Variants in WDFY4 observed in about 807,000 individuals in gnomAD.
The protein encoded by WDFY4 is WD repeat- and FYVE domain-containing protein 4.
A neutral mutation model predicts 351.9 loss-of-function variants in WDFY4; 169 were observed. That is an observed-to-expected ratio of 0.48 (90% confidence interval 0.42 to 0.55). The LOEUF (loss-of-function observed/expected upper bound fraction) is 0.55. Among genes scored for constraint, WDFY4 ranks in the 20% least tolerant of loss-of-function variants. WDFY4 has a pLI of 0.00. For missense variants in WDFY4, 3,803 were observed against 3,935.6 expected (o/e 0.97, Z 0.90); for synonymous variants, 1,622 against 1,574.6 (o/e 1.03, Z -0.71).
At chr10:48,846,492 T>C (rs2068780856) in intron 39 of WDFY4, among the ~76,000 whole-genome samples, 1 of 152,216 alleles carries the variant, frequency 6.6e-6, no homozygotes, top group South Asian at 2.1e-4. Flanking sequence ...CCTTCGGGTT[T>C]GCACAGGGCC....
intron 9 of WDFY4, among the ~76,000 whole-genome samples, chr10:48,731,979 C>T (rs1459626391): frequency 6.6e-6 from 1 of 152,166 alleles, no homozygotes; most frequent in Non-Finnish European, 1.5e-5. Flanking sequence ...TCAGTGGTCT[C>T]CCACTGGGAG....
intron 49 of WDFY4, 147 bp downstream of exon 49, chr10:48,943,596 C>CT: frequency 1.2e-6 from 1 of 846,184 alleles, no homozygotes; most frequent in Non-Finnish European, 1.7e-6. Context: ...AAGCTCAGAT[C>CT]TCTTTTTTTT....
chr10:48,898,914 C>A (rs1001576484), intron 45 of WDFY4, among the ~76,000 whole-genome samples: 6 of 151,042 alleles, frequency 4.0e-5, no homozygotes, highest in African/African-American at 1.2e-4. Context: ...GTTTCCTTGC[C>A]CTTCAGTGAG....
intron 60 of WDFY4, chr10:48,979,802 A>G (rs1434280383): frequency 6.6e-6 from 1 of 152,210 alleles, no homozygotes; most frequent in Non-Finnish European, 1.5e-5. Context: ...GAAGCAGAGT[A>G]AAAAGCAGGA....
intron 43 of WDFY4, among the ~76,000 whole-genome samples, chr10:48,883,266 C>A (rs2070325693): frequency 6.6e-6 from 1 of 152,214 alleles, no homozygotes; most frequent in Non-Finnish European, 1.5e-5. Flanking sequence ...TCCACTGTGG[C>A]CTTATCCCTG....
intron 43 of WDFY4, among the ~76,000 whole-genome samples, chr10:48,888,415 T>G (rs2070556899): frequency 1.3e-5 from 2 of 151,960 alleles, no homozygotes; most frequent in East Asian, 3.9e-4. Context: ...CTTGTTTAGA[T>G]ACACCCACTT....
chr10:48,798,703 C>T (rs1374220516), intron 24 of WDFY4, among the ~76,000 whole-genome samples: 1 of 152,178 alleles, frequency 6.6e-6, no homozygotes, highest in African/African-American at 2.4e-5. Context: ...AGGGAAATTC[C>T]ACCAGTCAGG....
At position 48,895,757 on chromosome 10, in the gene WDFY4, C is replaced by T. The variant is rs192162737; in HGVS notation, c.7317-1697C>T. Among the ~76,000 whole-genome samples, 517 of 152,324 alleles carry T rather than the reference C, an allele frequency of 3.4e-3. 4 individuals are homozygous for T. The highest frequency in any genetic ancestry group is 0.012 in the African/African-American group (489 of 41,566). Reference sequence around the variant, plus strand: ...AATTTATTATCCTCCCTTTCCCCTCCTCTCTTCTGCTTCTCTGGGAGGAGG... The same window carrying T: ...AATTTATTATCCTCCCTTTCCCCTCTTCTCTTCTGCTTCTCTGGGAGGAGG... On this transcript the variant is annotated intron_variant, in intron 44 of 61. Transcript: ENST00000325239.
chr10:48,708,357 A>G (rs1268704014), intron 1 of WDFY4, among the ~76,000 whole-genome samples: 1 of 152,184 alleles, frequency 6.6e-6, no homozygotes, highest in Non-Finnish European at 1.5e-5. Flanking sequence ...TGGGCTAAAA[A>G]TAAAGCATGA....
chr10:48,731,695 A>G (rs1007386875), intron 9 of WDFY4, 133 bp downstream of exon 9: 5 of 1,121,808 alleles, frequency 4.5e-6, no homozygotes, highest in African/African-American at 1.6e-5. Context: ...TATGCTTGGG[A>G]CACACAGTTT....
chr10:48,745,550 T>G, intron 12 of WDFY4: 1 of 448,218 alleles, frequency 2.2e-6, no homozygotes, highest in Non-Finnish European at 4.2e-6. Flanking sequence ...GGCTCATGGG[T>G]CTTGAGGGCC....
At chr10:48,794,821 G>C (rs1042812265) in intron 23 of WDFY4, among the ~76,000 whole-genome samples, 1 of 152,142 alleles carries the variant, frequency 6.6e-6, no homozygotes, top group African/African-American at 2.4e-5. Context: ...GTCCCTGGTG[G>C]CCTTTCTGAG....
intron 38 of WDFY4, 79 bp from the exon 39 acceptor site, chr10:48,832,494 C>G: frequency 1.4e-6 from 2 of 1,428,072 alleles, no homozygotes; most frequent in Non-Finnish European, 1.9e-6. Context: ...CCTGGCTGGC[C>G]CTTTGAAAGC....
Position 48,890,178 on chromosome 10 carries a change from C to G in WDFY4, c.7168-401C>G, listed in dbSNP as rs531683319. Among the ~76,000 whole-genome samples the G allele has an allele frequency of 2.0e-4, 30 of 152,320 alleles. No individual in the cohort carries two copies. In the South Asian group the frequency reaches 4.3e-3, roughly 22 times the overall value. ...CTGGCTCAACCATGTACTGGCTGGT[C>G]CCTGGACAAGCTCCCTCTCCTCTGT... On this transcript the variant is annotated intron_variant, in intron 43 of 61. Transcript: ENST00000325239.
At chr10:48,770,251 T>C (rs2065818777) in intron 13 of WDFY4, among the ~76,000 whole-genome samples, 1 of 152,208 alleles carries the variant, frequency 6.6e-6, no homozygotes, top group Admixed American at 6.5e-5. Context: ...TCAGCATTTC[T>C]CCCTTTTGAA....
chr10:48,898,249 C>T (rs1274310931), intron 45 of WDFY4, among the ~76,000 whole-genome samples: 1 of 152,210 alleles, frequency 6.6e-6, no homozygotes, highest in Non-Finnish European at 1.5e-5. Flanking sequence ...TTTCTAGAAA[C>T]ATCACCTGAG....
At chr10:48,941,995 A>G (rs1840792650) in intron 48 of WDFY4, 147 bp downstream of exon 48, 2 of 856,538 alleles carry the variant, frequency 2.3e-6, no homozygotes, top group Non-Finnish European at 3.4e-6. Flanking sequence ...ATGGAGTTTC[A>G]CTCTTGTTGC....
chr10:48,762,764 G>A (rs2683609), intron 13 of WDFY4, among the ~76,000 whole-genome samples: 148,578 of 152,302 alleles, frequency 0.98, 72,587 homozygotes, highest in East Asian at 1. Context: ...CTCCAGGCAG[G>A]CTCTTTAGCA....
chr10:48,909,371 T>C (rs1014263336), intron 47 of WDFY4: 1 of 151,656 alleles, frequency 6.6e-6, no homozygotes, highest in Non-Finnish European at 1.5e-5. Flanking sequence ...TCCTACCTTA[T>C]CTATAGTATT....
Sources: allele counts gnomAD v4.1 joint callset (sites outside exome capture counted in the v4.1 genomes callset), GRCh38; gene constraint gnomAD v4.1.1; transcripts MANE v1.5; gene names NCBI Gene and HGNC (gene_info 2026-07-23, HGNC 2026-07-21).